KDM4A: variants seen among roughly 807,000 people sequenced by gnomAD.
KDM4A encodes lysine-specific demethylase 4A.
A neutral mutation model predicts 127.1 loss-of-function variants in KDM4A; 23 were observed. The observed-to-expected ratio is 0.18, with a 90% CI of 0.13 to 0.26. The LOEUF (loss-of-function observed/expected upper bound fraction) is 0.26, where lower values mean the gene tolerates loss of function less well. KDM4A is among the 10% of genes least tolerant of loss of function. KDM4A has a pLI of 1.00. For missense variants in KDM4A, 890 were observed against 1,329.1 expected (o/e 0.67, Z 5.14); for synonymous variants, 443 against 466.5 (o/e 0.95, Z 0.65).
intron 4 of KDM4A, 25 bp from the exon 5 acceptor site, chr1:43,662,869 C>T (rs781396323): frequency 2.5e-6 from 4 of 1,582,252 alleles, no homozygotes; most frequent in Middle Eastern, 1.7e-4. Context: ...ATGTAACTTG[C>T]CCTGGACTGT....
chr1:43,660,772 G>T (rs1570817636), intron 4 of KDM4A, among the ~76,000 whole-genome samples: 2 of 151,558 alleles, frequency 1.3e-5, no homozygotes, highest in Non-Finnish European at 2.9e-5. Context: ...AATGAAAGGG[G>T]TATACATTTA....
intron 5 of KDM4A, among the ~76,000 whole-genome samples, chr1:43,665,196 A>G (rs1660472508): frequency 6.6e-6 from 1 of 152,028 alleles, no homozygotes; most frequent in Non-Finnish European, 1.5e-5. Flanking sequence ...GCTGTTGGGG[A>G]GATAAAGGGA....
chr1:43,691,611 C>G, intron 15 of KDM4A, 39 bp downstream of exon 15: 1 of 1,558,118 alleles, frequency 6.4e-7, no homozygotes, highest in South Asian at 1.1e-5. Flanking sequence ...CACCATGAGT[C>G]TTGGTGCATA....
intron 15 of KDM4A, 76 bp from the exon 16 acceptor site, chr1:43,692,180 C>G: frequency 7.6e-7 from 1 of 1,311,560 alleles, no homozygotes; most frequent in Non-Finnish European, 1.1e-6. Flanking sequence ...TTGCCCAAAG[C>G]AGGTCCAGGG....
Position 43,671,535 on chromosome 1 carries a change from A to G in KDM4A, c.1394A>G (p.Glu465Gly). 1 of 1,577,134 alleles carries G rather than the reference A, an allele frequency of 6.3e-7. No homozygotes were observed. Among genetic ancestry groups the G allele is most frequent in the Non-Finnish European group, 8.6e-7 (1 of 1,163,822 alleles). ...DYSDSTEVKF[E>G]ELKNVKLEEE... The stretch of plus-strand genomic sequence containing the variant: ...TCTGACTCCACTGAAGTCAAATTTG[A>G]AGAGCTTAAAAATGTCAAACTAGAA... The change falls in exon 11 of 22, where the codon GAA becomes GGA. Residue 465 changes from glutamate to glycine, a missense_variant. Transcript: ENST00000372396.
Position 43,692,300 on chromosome 1 carries a change from A to T in KDM4A, c.2364A>T (p.Ala788=). The change falls in exon 16 of 22, where the codon GCA becomes GCT. Residue 788 remains alanine (A), a synonymous_variant. Transcript: ENST00000372396. The stretch of plus-strand genomic sequence containing the variant: ...TACGAGGAGGGGCCCTGCAGAGAGC[A>T]AATGATGACAGGTAAGTTTCCTGAG... ...CSLRGGALQR[A]NDDRWVHVSC... 6.2e-7 allele frequency: 1 copy of T among 1,614,116 alleles called. No individual in the cohort carries two copies. Among genetic ancestry groups the T allele is most frequent in the Non-Finnish European group, 8.5e-7 (1 of 1,179,998 alleles).
Position 43,671,725 on chromosome 1 carries a change from T to C in KDM4A, c.1584T>C (p.Ser528=), listed in dbSNP as rs766075877. ...CTATCTCTTCTGATTCAGAAACTAG[T>C]GAGCCTCTCTCCTGCCGAGCCCAAG... is the stretch of plus-strand genomic sequence containing the variant. ...RDSISSDSET[S]EPLSCRAQGQ... Residue 528 remains serine, a synonymous_variant, in exon 11 of 22, where the codon AGT becomes AGC. Coordinates refer to ENST00000372396, the MANE Select transcript of KDM4A (RefSeq NM_014663.3). 3 of 1,613,862 alleles carry C rather than the reference T, an allele frequency of 1.9e-6. No homozygotes were observed. Among genetic ancestry groups the C allele is most frequent in the Non-Finnish European group, 2.5e-6 (3 of 1,179,864 alleles).
chr1:43,664,608 TTTC>T (rs1226598827), intron 5 of KDM4A, among the ~76,000 whole-genome samples: 2 of 152,164 alleles, frequency 1.3e-5, no homozygotes, highest in Non-Finnish European at 2.9e-5. Context: ...GGGGTTTTCC[TTTC>T]TTCTTTCAAG....
At chr1:43,663,576 T>C (rs559733922) in intron 5 of KDM4A, among the ~76,000 whole-genome samples, 2 of 152,212 alleles carry the variant, frequency 1.3e-5, no homozygotes, top group South Asian at 4.1e-4. Flanking sequence ...GAGACAAACA[T>C]TGGTTCTCTC....
rs754360018 is a variant in KDM4A at position 43,704,412 on chromosome 1, A to G, written c.*42A>G. ...AGGGATTCTCAGCCATCCAGGCAAG[A>G]GCACTCTGGGTTCCACAGCACAGCA... is the stretch of plus-strand genomic sequence containing the variant. On this transcript the variant is annotated 3_prime_UTR_variant, in exon 22 of 22. Transcript: ENST00000372396. The G allele has an allele frequency of 4.4e-6, 7 of 1,591,818 alleles. No homozygotes were observed. Among genetic ancestry groups the G allele is most frequent in the Non-Finnish European group, 6.0e-6 (7 of 1,169,386 alleles).
intron 11 of KDM4A, among the ~76,000 whole-genome samples, chr1:43,678,881 C>T (rs1213439321): frequency 6.6e-6 from 1 of 152,196 alleles, no homozygotes; most frequent in Non-Finnish European, 1.5e-5. Flanking sequence ...CCACCACACC[C>T]AGCCTGTGTT....
At chr1:43,657,755 T>C (rs1228374080) in intron 3 of KDM4A, among the ~76,000 whole-genome samples, 16 of 147,722 alleles carry the variant, frequency 1.1e-4, no homozygotes, top group Non-Finnish European at 1.9e-4. Flanking sequence ...CTTTTCTTTT[T>C]TTTTTTTTTT....
At chr1:43,653,536 A>T (rs1660167840) in intron 2 of KDM4A, 1 of 393,816 alleles carries the variant, frequency 2.5e-6, no homozygotes, top group African/African-American at 2.1e-5. Context: ...AGGGGGAGGT[A>T]AAGAGCTAGT....
At chr1:43,656,487 G>A (rs1009809864) in intron 3 of KDM4A, among the ~76,000 whole-genome samples, 21 of 151,480 alleles carry the variant, frequency 1.4e-4, no homozygotes, top group Non-Finnish European at 2.7e-4. Context: ...ACAGGCACGC[G>A]CCACCATGCT....
At chr1:43,695,341 T>C (rs1371107771) in intron 18 of KDM4A, among the ~76,000 whole-genome samples, 1 of 152,224 alleles carries the variant, frequency 6.6e-6, no homozygotes, top group African/African-American at 2.4e-5. Flanking sequence ...AAGTGACATG[T>C]AATGTTAGCT....
At position 43,663,132 on chromosome 1, in the gene KDM4A, C is replaced by T. The variant is rs774742286; in HGVS notation, c.623+45C>T. 76 of 1,543,784 alleles carry T rather than the reference C, an allele frequency of 4.9e-5. No homozygotes were observed. The South Asian group carries it at 5.7e-4, about 12-fold the overall frequency. On this transcript the variant is annotated intron_variant, in intron 5 of 21. Coordinates refer to ENST00000372396, the MANE Select transcript of KDM4A (RefSeq NM_014663.3). ...GGCACCGGGCTTCTATGCTAGAGCA[C>T]GGGCTCATGTTCATTGTGCGTGGGA... is the stretch of plus-strand genomic sequence containing the variant.
intron 11 of KDM4A, among the ~76,000 whole-genome samples, chr1:43,674,284 C>T (rs1660690987): frequency 6.6e-6 from 1 of 152,048 alleles, no homozygotes; most frequent in Non-Finnish European, 1.5e-5. Context: ...ATTGTTCAGT[C>T]TTTGTATTAC....
At position 43,686,921 on chromosome 1, in the gene KDM4A, G is replaced by A. The variant is rs12035759; in HGVS notation, c.1856-1993G>A. 2.1e-4 allele frequency among the ~76,000 whole-genome samples: 32 copies of A among 152,246 alleles called. No individual in the cohort carries two copies. The East Asian group carries it at 5.8e-3, about 28-fold the overall frequency. On this transcript the variant is annotated intron_variant, in intron 12 of 21. Transcript: ENST00000372396. Reference sequence around the variant, plus strand: ...TTGCTTCCTGCAATTTTCACTTAACGTAGTGAACATTTTCCCTCATCATTC... The same window carrying A: ...TTGCTTCCTGCAATTTTCACTTAACATAGTGAACATTTTCCCTCATCATTC...
chr1:43,671,926 C>A, intron 11 of KDM4A, 51 bp downstream of exon 11: 1 of 1,501,650 alleles, frequency 6.7e-7, no homozygotes, highest in East Asian at 2.3e-5. Context: ...TGGAGGACAC[C>A]CTGTCGGGAG....
Sources: gnomAD v4.1 joint callset for allele counts (sites outside exome capture counted in the v4.1 genomes callset) on GRCh38, gnomAD v4.1.1 for gene constraint, MANE v1.5 for transcripts, NCBI Gene and HGNC (gene_info 2026-07-23, HGNC 2026-07-21) for gene names.